The following THAP5 variants were observed in gnomAD, a reference collection of about 807,000 sequenced individuals.
THAP5 encodes THAP domain-containing protein 5.
In THAP5, 26 loss-of-function variants were observed where a neutral mutation model predicts 34.0. That is an observed-to-expected ratio of 0.77 (90% confidence interval 0.56 to 1.06). THAP5 has a LOEUF of 1.06. THAP5 is among the 50% of genes least tolerant of loss of function. The pLI is 0.00. For synonymous variants in THAP5, 125 were observed against 153.0 expected, an observed-to-expected ratio of 0.82 and a Z score of 1.35; for missense variants, 394 against 452.8, an observed-to-expected ratio of 0.87 and a Z score of 1.18.
At chr7:108,553,937 A>G (rs1169664705), downstream of THAP5, among the ~76,000 whole-genome samples, 3 of 152,182 alleles carry the variant, frequency 2.0e-5, no homozygotes, top group African/African-American at 7.2e-5. Context: ...ACCATGACAT[A>G]TACTATATTT....
At chr7:108,556,055 A>T (rs2154517887) in intron 1 of THAP5, among the ~76,000 whole-genome samples, 1 of 152,210 alleles carries the variant, frequency 6.6e-6, no homozygotes, top group East Asian at 1.9e-4. Flanking sequence ...AGTGCTACAC[A>T]CTTTAAACAA....
rs745800374 is a variant in THAP5 at position 108,569,608 on chromosome 7, G to A, written c.-39C>T. 4.5e-6 allele frequency: 7 copies of A among 1,548,188 alleles called. No individual in the cohort carries two copies. In the South Asian group the frequency reaches 7.1e-5, roughly 16 times the overall value. On this transcript the variant is annotated 5_prime_UTR_variant, in exon 1 of 3. Coordinates refer to ENST00000415914, the MANE Select transcript of THAP5 (RefSeq NM_001130475.3). Reference sequence around the variant, plus strand: ...CCCCTGGAGACCGGGGCCGGCGACGGATGCAGGGCGGCCCTCCTCACTGAG... The same window carrying A: ...CCCCTGGAGACCGGGGCCGGCGACGAATGCAGGGCGGCCCTCCTCACTGAG...
In THAP5 at chr7:108,562,281, TTAAATTAAG is replaced by T. The variant is rs1300845523; in HGVS notation, c.*1901_*1909del. 2 of 76,618 alleles carry T rather than the reference TTAAATTAAG, an allele frequency of 2.6e-5. No individual in the cohort carries two copies. The highest frequency in any genetic ancestry group is 6.7e-5 in the Non-Finnish European group (2 of 29,776). The allele number at this position is 76,618 out of a possible 1,614,324, so 4.7% of individuals were successfully genotyped here. A position where few individuals can be genotyped will look rare whatever the true frequency, so the allele number is the denominator to read the frequency against. On this transcript the variant is annotated 3_prime_UTR_variant, in exon 3 of 3. Coordinates refer to ENST00000415914, the MANE Select transcript of THAP5 (RefSeq NM_001130475.3). ...TGACTCAAGATTATTTTCATCTGTA[TTAAATTAAG>T]TATTTGCAAAATGCAACATAGGAAT... is the stretch of plus-strand genomic sequence containing the variant.
At chr7:108,547,837 T>C in the THAP5 span, among the ~76,000 whole-genome samples, 1 of 152,226 alleles carries the variant, frequency 6.6e-6, no homozygotes, top group Non-Finnish European at 1.5e-5. Context: ...CGTAAAGAGC[T>C]TTTGTTTCTC....
At chr7:108,543,929 A>C in the THAP5 span, among the ~76,000 whole-genome samples, 1 of 152,142 alleles carries the variant, frequency 6.6e-6, no homozygotes, top group African/African-American at 2.4e-5. Flanking sequence ...TCATTTTCCT[A>C]TATATAATGG....
downstream of THAP5, among the ~76,000 whole-genome samples, chr7:108,554,238 C>G (rs1014489559): frequency 6.6e-6 from 1 of 152,188 alleles, no homozygotes; most frequent in African/African-American, 2.4e-5. Flanking sequence ...TTTGTTACAG[C>G]AGCATAAATT....
chr7:108,556,839 G>C (rs1452134558), intron 1 of THAP5, among the ~76,000 whole-genome samples: 1 of 152,240 alleles, frequency 6.6e-6, no homozygotes, highest in African/African-American at 2.4e-5. Context: ...CATTTTCACT[G>C]TGTGCTGCCT....
downstream of THAP5, among the ~76,000 whole-genome samples, chr7:108,560,663 A>G (rs1277022134): frequency 6.6e-6 from 1 of 152,246 alleles, no homozygotes; most frequent in Non-Finnish European, 1.5e-5. Flanking sequence ...AACAGATGCC[A>G]TTCAGGAGGC....
downstream of THAP5, among the ~76,000 whole-genome samples, chr7:108,560,300 ACCTGCTTGCTCAC>A (rs1463865096): frequency 3.3e-5 from 5 of 152,226 alleles, no homozygotes; most frequent in Non-Finnish European, 7.3e-5. Flanking sequence ...TAAAGCAGTT[ACCTGCTTGCTCAC>A]CCACAGCCTC....
downstream of THAP5, among the ~76,000 whole-genome samples, chr7:108,550,664 C>A (rs1025786930): frequency 3.9e-5 from 6 of 152,218 alleles, no homozygotes; most frequent in Non-Finnish European, 8.8e-5. Flanking sequence ...CCCTGTATTA[C>A]AGATGGCTAC....
chr7:108,569,197 C>T, intron 1 of THAP5: 3 of 1,308,486 alleles, frequency 2.3e-6, no homozygotes, highest in Non-Finnish European at 2.9e-6. Context: ...AATGAGATCA[C>T]GTGAAGTGGG....
At chr7:108,551,053 C>A (rs947242306), downstream of THAP5, among the ~76,000 whole-genome samples, 1 of 152,052 alleles carries the variant, frequency 6.6e-6, no homozygotes, top group Admixed American at 6.6e-5. Flanking sequence ...TATAATATTC[C>A]TTTTCTAAAA....
intron 1 of THAP5, among the ~76,000 whole-genome samples, chr7:108,566,685 G>T (rs920990814): frequency 2.0e-5 from 3 of 152,102 alleles, no homozygotes; most frequent in African/African-American, 7.2e-5. Flanking sequence ...TAGAAGAAAA[G>T]AATGGAACAT....
chr7:108,553,312 G>A (rs960599740), downstream of THAP5, among the ~76,000 whole-genome samples: 1 of 152,010 alleles, frequency 6.6e-6, no homozygotes, highest in African/African-American at 2.4e-5. Flanking sequence ...CAAAGTGCTG[G>A]CATTACAGGC....
chr7:108,564,822 T>C lies in THAP5; in HGVS notation c.557A>G (p.Gln186Arg). The C allele has an allele frequency of 6.2e-7, 1 of 1,613,416 alleles. No individual in the cohort carries two copies. The highest frequency in any genetic ancestry group is 8.5e-7 in the Non-Finnish European group (1 of 1,179,568). ...GTGAAAACCACCTCTACCTGTATCT[T>C]GGTTAACTGATGTTTCCAAGGTAGA... The part of the protein sequence containing the change: ...PESTLETSVN[Q>R]DTGRGGFHTC... The change falls in exon 3 of 3, where the codon CAA (glutamine) becomes CGA (arginine). Residue 186 changes from glutamine to arginine, a missense_variant. By Grantham distance (43) the Gln-to-Arg change is conservative. Coordinates refer to ENST00000415914, the MANE Select transcript of THAP5 (RefSeq NM_001130475.3).
chr7:108,565,791 C>G (rs1307076181), intron 2 of THAP5, 39 bp downstream of exon 2: 1 of 1,427,608 alleles, frequency 7.0e-7, no homozygotes, highest in Non-Finnish European at 9.2e-7. Context: ...TGAAATCTGC[C>G]ACTCTGCTCA....
rs1790473851 is a variant in THAP5, at chr7:108,565,829, C to T, written c.273+1G>A. On this transcript the variant is annotated splice_donor_variant, in intron 2 of 2. Transcript: ENST00000415914. LOFTEE classifies it high-confidence loss of function. Reference sequence around the variant, plus strand: ...ATTACCCCTCTCCCATACTGCAATACCTGATTGTCTTCAGGCAAAGAAAAT... The same window carrying T: ...ATTACCCCTCTCCCATACTGCAATATCTGATTGTCTTCAGGCAAAGAAAAT... 1.9e-6 allele frequency: 3 copies of T among 1,541,416 alleles called. No individual in the cohort carries two copies. Among genetic ancestry groups the T allele is most frequent in the Middle Eastern group, 2.3e-4 (1 of 4,320 alleles).
downstream of THAP5, among the ~76,000 whole-genome samples, chr7:108,561,134 C>T (rs967239860): frequency 2.0e-5 from 3 of 152,180 alleles, no homozygotes; most frequent in South Asian, 2.1e-4. Flanking sequence ...GTTTCTGTTC[C>T]TTGCAACCAA....
intron 1 of THAP5, among the ~76,000 whole-genome samples, chr7:108,566,855 A>G (rs1790497693): frequency 6.6e-6 from 1 of 152,330 alleles, no homozygotes; most frequent in South Asian, 2.1e-4. Flanking sequence ...AATTTTTCCT[A>G]TCAATCTAAA....
Sources: allele counts gnomAD v4.1 joint callset (sites outside exome capture counted in the v4.1 genomes callset), GRCh38; gene constraint gnomAD v4.1.1; transcripts MANE v1.5; gene names NCBI Gene and HGNC (gene_info 2026-07-23, HGNC 2026-07-21).